Variants in ATIC observed in about 807,000 individuals in gnomAD.
ATIC encodes the protein bifunctional purine biosynthesis protein ATIC.
ATIC carries 64 observed loss-of-function variants against 72.5 expected under a neutral mutation model. The observed-to-expected ratio is 0.88, with a 90% CI of 0.72 to 1.09. The LOEUF (loss-of-function observed/expected upper bound fraction) is 1.09, where lower values mean the gene tolerates loss of function less well. ATIC is among the 50% of genes least tolerant of loss of function. The pLI is 0.00. For synonymous variants in ATIC, 281 were observed against 267.1 expected (o/e 1.05, Z -0.51); for missense variants, 787 against 732.4 (o/e 1.07, Z -0.86).
intron 11 of ATIC, among the ~76,000 whole-genome samples, chr2:215,336,410 G>T (rs1382812809): frequency 3.9e-5 from 6 of 152,182 alleles, no homozygotes; most frequent in African/African-American, 1.4e-4. Context: ...AGAATTGGAG[G>T]CTGTATTGTG....
chr2:215,358,457 G>A, the ATIC span, among the ~76,000 whole-genome samples: 1 of 151,890 alleles, frequency 6.6e-6, no homozygotes, highest in Non-Finnish European at 1.5e-5. Context: ...GAAATAGTTG[G>A]TTCTCCTGTT....
intron 7 of ATIC, 125 bp from the exon 8 acceptor site, chr2:215,332,257 G>A (rs2052903600): frequency 3.0e-6 from 4 of 1,332,542 alleles, no homozygotes; most frequent in Admixed American, 1.7e-5. Context: ...ATGTTTGTGT[G>A]TATCTGTTTG....
intron 12 of ATIC, among the ~76,000 whole-genome samples, chr2:215,342,773 G>A (rs2053033130): frequency 6.6e-6 from 1 of 152,128 alleles, no homozygotes; most frequent in African/African-American, 2.4e-5. Flanking sequence ...TCCGCCTCCC[G>A]GGTTCAAGCG....
intron 14 of ATIC, chr2:215,347,233 G>T (rs2053081151): frequency 4.7e-6 from 2 of 424,788 alleles, no homozygotes; most frequent in Non-Finnish European, 8.8e-6. Context: ...ATAAGCTTTT[G>T]ATGACAAGGA....
At chr2:215,345,807 G>A (rs1305842306) in intron 13 of ATIC, among the ~76,000 whole-genome samples, 1 of 152,190 alleles carries the variant, frequency 6.6e-6, no homozygotes, top group Non-Finnish European at 1.5e-5. Context: ...GGCTGCCCAG[G>A]TATTTGTGGT....
In ATIC at chr2:215,349,083, T is replaced by G. The variant is rs767313141; in HGVS notation, c.1504-11T>G. 2.5e-6 allele frequency: 4 copies of G among 1,613,882 alleles called. No individual in the cohort carries two copies. In the African/African-American group the frequency reaches 5.3e-5, roughly 22 times the overall value. On this transcript the variant is annotated splice_polypyrimidine_tract_variant and intron_variant, in intron 14 of 15. Transcript: ENST00000236959. ...CAGACCAAGCTTCTTCCTTTCTCTC[T>G]CCCCGCATAGGATGAAGATTTGATA...
the ATIC span, chr2:215,367,593 A>C: frequency 1.3e-5 from 6 of 460,622 alleles, no homozygotes; most frequent in Non-Finnish European, 2.4e-5. Flanking sequence ...TTTCACAGAA[A>C]ATTTCAAAAA....
At chr2:215,356,919 A>G in the ATIC span, among the ~76,000 whole-genome samples, 1 of 152,098 alleles carries the variant, frequency 6.6e-6, no homozygotes, top group Non-Finnish European at 1.5e-5. Flanking sequence ...TTGTGTGAAC[A>G]TATGTTTTCT....
the ATIC span, chr2:215,362,339 C>T: frequency 2.1e-6 from 1 of 476,528 alleles, no homozygotes. Flanking sequence ...CTATTCAAAC[C>T]TTGCCCATCT....
intron 4 of ATIC, among the ~76,000 whole-genome samples, chr2:215,321,935 TTAC>T (rs1325299697): frequency 6.6e-5 from 10 of 152,292 alleles, no homozygotes; most frequent in Admixed American, 3.3e-4. Flanking sequence ...AGACGGAGTC[TTAC>T]TCTCGCCCAG....
the ATIC span, among the ~76,000 whole-genome samples, chr2:215,357,575 G>C: frequency 1.3e-5 from 2 of 152,134 alleles, no homozygotes; most frequent in Admixed American, 1.3e-4. Context: ...TTCCCATTTG[G>C]GACTTTCGGC....
chr2:215,320,198 A>G (rs2052752469), intron 4 of ATIC, among the ~76,000 whole-genome samples: 1 of 152,200 alleles, frequency 6.6e-6, no homozygotes, highest in Non-Finnish European at 1.5e-5. Context: ...TTATTTGCAT[A>G]AAGATACTGG....
At chr2:215,353,477 A>T (rs2053145528), downstream of ATIC, among the ~76,000 whole-genome samples, 1 of 152,092 alleles carries the variant, frequency 6.6e-6, no homozygotes, top group African/African-American at 2.4e-5. Context: ...CAGTGCCTCC[A>T]GTTTCTCCTC....
intron 11 of ATIC, 93 bp from the exon 12 acceptor site, chr2:215,338,686 T>C (rs2052983297): frequency 4.4e-6 from 6 of 1,372,826 alleles, no homozygotes; most frequent in Non-Finnish European, 6.0e-6. Context: ...TGCATATAAC[T>C]TTACTTACAA....
chr2:215,357,171 G>A, the ATIC span, among the ~76,000 whole-genome samples: 2 of 152,336 alleles, frequency 1.3e-5, no homozygotes, highest in Middle Eastern at 3.4e-3. Flanking sequence ...ATGTTTCATT[G>A]TAAAGTCTTG....
At chr2:215,361,911 C>T in the ATIC span, 1 of 1,547,146 alleles carries the variant, frequency 6.5e-7, no homozygotes, top group South Asian at 1.1e-5. Context: ...AAGAAAGATA[C>T]CTGTAGAAAG....
intron 4 of ATIC, 182 bp from the exon 5 acceptor site, chr2:215,325,059 G>A (rs1254414575): frequency 3.5e-6 from 2 of 573,510 alleles, no homozygotes; most frequent in African/African-American, 3.7e-5. Flanking sequence ...CTCGACCCCA[G>A]CAGGACACCC....
the ATIC span, among the ~76,000 whole-genome samples, chr2:215,357,485 G>A: frequency 2.6e-5 from 4 of 152,170 alleles, no homozygotes; most frequent in Non-Finnish European, 4.4e-5. Context: ...TAAAGAGTAA[G>A]TAAAAAGGAA....
intron 3 of ATIC, among the ~76,000 whole-genome samples, chr2:215,318,933 G>C (rs2105995483): frequency 6.6e-6 from 1 of 151,686 alleles, no homozygotes; most frequent in African/African-American, 2.4e-5. Context: ...CTGGAGTGCA[G>C]TGGTGCGATC....
Sources: gnomAD v4.1 joint callset for allele counts (sites outside exome capture counted in the v4.1 genomes callset) on GRCh38, gnomAD v4.1.1 for gene constraint, MANE v1.5 for transcripts, NCBI Gene and HGNC (gene_info 2026-07-23, HGNC 2026-07-21) for gene names.